The following PCDHGA5 variants were observed in gnomAD, a reference collection of about 807,000 sequenced individuals.
PCDHGA5 encodes protocadherin gamma subfamily A, 5.
Under a neutral mutation model 56.7 loss-of-function variants are expected in PCDHGA5, and 36 were observed. That is an observed-to-expected ratio of 0.64 (90% confidence interval 0.49 to 0.84). PCDHGA5 has a LOEUF of 0.84. Ranked by LOEUF, PCDHGA5 falls within the 40% of genes least tolerant of loss-of-function variation. PCDHGA5 has a pLI of 0.00. For missense variants in PCDHGA5, 1,305 were observed against 1,201.5 expected (o/e 1.09, Z -1.27); for synonymous variants, 563 against 520.2 (o/e 1.08, Z -1.12).
At chr5:141,430,729 G>T in intron 1 of PCDHGA5, 1 of 1,499,360 alleles carries the variant, frequency 6.7e-7, no homozygotes, top group East Asian at 2.3e-5. Flanking sequence ...GTTAAGGGCA[G>T]AATTGAAAAT....
chr5:141,388,640 A>G (rs373553997), intron 1 of PCDHGA5: 3 of 1,613,844 alleles, frequency 1.9e-6, no homozygotes, highest in African/African-American at 2.7e-5. Context: ...TGAGCCTTTC[A>G]GAAAACGTGT....
rs756857668 is a variant in PCDHGA5, at chr5:141,389,399, A to C, written c.2421+22648A>C. ...GGGAGCTGTCATCCTACGTGTCCAT[A>C]AGCGCGGAGAGCGGGGTGGTGTTCG... On this transcript the variant is annotated intron_variant, in intron 1 of 3. Coordinates refer to ENST00000518069, the MANE Select transcript of PCDHGA5 (RefSeq NM_018918.3). 67 of 1,613,528 alleles carry C rather than the reference A, an allele frequency of 4.2e-5. 1 individual carries two copies. Among genetic ancestry groups the C allele is most frequent in the South Asian group, 5.5e-5 (5 of 91,094 alleles).
intron 2 of PCDHGA5, among the ~76,000 whole-genome samples, chr5:141,502,186 CA>C (rs1470455379): frequency 1.3e-5 from 2 of 152,148 alleles, no homozygotes; most frequent in Non-Finnish European, 2.9e-5. Context: ...AACATTAATA[CA>C]ATAATATAGA....
chr5:141,424,061 CTGATT>C, intron 1 of PCDHGA5: 1 of 1,003,194 alleles, frequency 1.0e-6, no homozygotes, highest in Non-Finnish European at 1.2e-6. Flanking sequence ...TGTGCCTTCA[CTGATT>C]TGTAGTTATA....
chr5:141,466,450 G>A lies in PCDHGA5; in HGVS notation c.2422-28357G>A, dbSNP rs139024933. Reference sequence around the variant, plus strand: ...TAAGCTGAACCGAGATGTCTATGGTGTTGGCTATTGTTTCTGCTGTTAATT... The same window carrying A: ...TAAGCTGAACCGAGATGTCTATGGTATTGGCTATTGTTTCTGCTGTTAATT... On this transcript the variant is annotated intron_variant, in intron 1 of 3. Coordinates refer to ENST00000518069, the MANE Select transcript of PCDHGA5 (RefSeq NM_018918.3). Among the ~76,000 whole-genome samples, 714 of 152,290 alleles carry A rather than the reference G, an allele frequency of 4.7e-3. 2 individuals are homozygous for A. Among genetic ancestry groups the A allele is most frequent in the Non-Finnish European group, 7.0e-3 (479 of 68,028 alleles).
chr5:141,449,936 T>C (rs1016569958), intron 1 of PCDHGA5, among the ~76,000 whole-genome samples: 4 of 151,978 alleles, frequency 2.6e-5, no homozygotes, highest in African/African-American at 9.6e-5. Context: ...CCTTATAGTA[T>C]ATTTTACTAT....
intron 1 of PCDHGA5, chr5:141,390,297 G>A (rs1313373310): frequency 6.2e-7 from 1 of 1,613,826 alleles, no homozygotes; most frequent in East Asian, 2.2e-5. Context: ...TTTCCTTTAA[G>A]TATAATTTAA....
chr5:141,486,409 C>G lies in PCDHGA5; in HGVS notation c.2422-8398C>G, dbSNP rs1396288134. On this transcript the variant is annotated intron_variant, in intron 1 of 3. Coordinates refer to ENST00000518069, the MANE Select transcript of PCDHGA5 (RefSeq NM_018918.3). The surrounding 1 kb of genome is among the most constrained non-coding windows in gnomAD (Gnocchi z 5.0). Reference sequence around the variant, plus strand: ...AGTTCTCCCTGGTGACTGCTGGACCCTTGGATCGAGAGGCCAAATCTAGCT... The same window carrying G: ...AGTTCTCCCTGGTGACTGCTGGACCGTTGGATCGAGAGGCCAAATCTAGCT... 6.2e-7 allele frequency: 1 copy of G among 1,614,170 alleles called. No individual in the cohort carries two copies. Among genetic ancestry groups the G allele is most frequent in the East Asian group, 2.2e-5 (1 of 44,874 alleles).
chr5:141,382,126 C>G (rs1360934225), intron 1 of PCDHGA5, among the ~76,000 whole-genome samples: 1 of 151,958 alleles, frequency 6.6e-6, no homozygotes, highest in African/African-American at 2.4e-5. Context: ...CAGCACCTGG[C>G]CCCCCCTCTC....
At chr5:141,404,443 A>G in intron 1 of PCDHGA5, 1 of 1,613,468 alleles carries the variant, frequency 6.2e-7, no homozygotes, top group East Asian at 2.2e-5. Flanking sequence ...ATACCATCCA[A>G]GGGTCTCCTC....
At position 141,366,349 on chromosome 5, in the gene PCDHGA5, T is replaced by C; in HGVS notation, c.2019T>C (p.Ala673=). ...CCGACAGGATCCCTGACATCCTGGC[T>C]GACCTAGGCAGTATCAAGACCCCCA... ...AVADRIPDIL[A]DLGSIKTPID... is the part of the protein sequence containing the mutation. The change falls in exon 1 of 4, where the codon GCT becomes GCC. Residue 673 remains alanine, a synonymous_variant. Transcript: ENST00000518069. 6.2e-7 allele frequency: 1 copy of C among 1,613,938 alleles called. No homozygotes were observed. Among genetic ancestry groups the C allele is most frequent in the Non-Finnish European group, 8.5e-7 (1 of 1,180,036 alleles).
intron 1 of PCDHGA5, chr5:141,421,290 G>C (rs2096561632): frequency 6.2e-7 from 1 of 1,613,130 alleles, no homozygotes; most frequent in African/African-American, 1.3e-5. Flanking sequence ...GCATTTTCCT[G>C]GGGACGCTGC....
chr5:141,422,871 G>A (rs769543752), intron 1 of PCDHGA5: 1 of 1,614,216 alleles, frequency 6.2e-7, no homozygotes, highest in Admixed American at 1.7e-5. Context: ...GCAACGTGTC[G>A]CTGAGCCTGT....
chr5:141,478,139 G>C, intron 1 of PCDHGA5: 15 of 1,614,040 alleles, frequency 9.3e-6, no homozygotes, highest in Non-Finnish European at 1.3e-5. Context: ...TGAAGCCCGA[G>C]CCGAGTTCCC....
rs1157645386 is a variant in PCDHGA5 at position 141,477,622 on chromosome 5, A to C, written c.2422-17185A>C. On this transcript the variant is annotated intron_variant, in intron 1 of 3. Coordinates refer to ENST00000518069, the MANE Select transcript of PCDHGA5 (RefSeq NM_018918.3). This position sits in a 1 kb window ranked among gnomAD's most constrained non-coding sequence, Gnocchi z 4.9. ...TCTTTCTCTTGGAGCAAGGAGCTGA[A>C]ACCGGGCTAGTGGGTCGCTATTTCA... 1 of 1,614,108 alleles carries C rather than the reference A, an allele frequency of 6.2e-7. No homozygotes were observed. The highest frequency in any genetic ancestry group is 2.2e-5 in the East Asian group (1 of 44,904).
At chr5:141,444,864 A>G (rs1304165078) in intron 1 of PCDHGA5, among the ~76,000 whole-genome samples, 1 of 152,210 alleles carries the variant, frequency 6.6e-6, no homozygotes, top group African/African-American at 2.4e-5. Context: ...GTCTTACTAC[A>G]GGACAAAGCT....
Position 141,505,424 on chromosome 5 carries a change from C to T in PCDHGA5, c.2512C>T (p.Pro838Ser), listed in dbSNP as rs1422538114. The T allele has an allele frequency of 1.2e-6, 2 of 1,614,200 alleles. No individual in the cohort carries two copies. Among genetic ancestry groups the T allele is most frequent in the Non-Finnish European group, 1.7e-6 (2 of 1,180,028 alleles). Residue 838 changes from proline (P) to serine (S), a missense_variant, in exon 3 of 4, where the codon CCC (proline) becomes TCC (serine). Pro to Ser is a moderately conservative substitution (Grantham distance 74). Transcript: ENST00000518069. ...AAATGGCGATGACACCGGCACCTGG[C>T]CCAACAACCAGTTTGACACAGAGAT... is the stretch of plus-strand genomic sequence containing the variant. ...SQNGDDTGTW[P>S]NNQFDTEMLQ...
At chr5:141,463,682 G>A (rs62379195) in intron 1 of PCDHGA5, among the ~76,000 whole-genome samples, 7,165 of 151,926 alleles carry the variant, frequency 0.047, 241 homozygotes, top group Middle Eastern at 0.095. Context: ...GGATGACCTC[G>A]TGATCTGCTC....
chr5:141,506,577 A>G (rs2099855057), intron 3 of PCDHGA5, among the ~76,000 whole-genome samples: 1 of 152,162 alleles, frequency 6.6e-6, no homozygotes, highest in South Asian at 2.1e-4. Flanking sequence ...TTCACTTACT[A>G]TTAATGGGCA....
Sources: allele counts gnomAD v4.1 joint callset (sites outside exome capture counted in the v4.1 genomes callset), GRCh38; gene constraint gnomAD v4.1.1; non-coding constraint Gnocchi (gnomAD v3.1); transcripts MANE v1.5; gene names NCBI Gene and HGNC (gene_info 2026-07-23, HGNC 2026-07-21).